Variants in CADM2 observed in about 807,000 individuals in gnomAD.
The protein encoded by CADM2 is immunoglobulin superfamily member 4D.
CADM2 carries 12 observed loss-of-function variants against 49.8 expected under a neutral mutation model. The observed-to-expected ratio is 0.24, with a 90% CI of 0.15 to 0.39. CADM2 has a LOEUF of 0.39. Among genes scored for constraint, CADM2 ranks in the 10% least tolerant of loss-of-function variants. The probability of loss-of-function intolerance (pLI) is 1.00; values close to 1 mark genes in which losing one functional copy is unlikely to be tolerated. For missense variants in CADM2, 378 were observed against 492.3 expected, an observed-to-expected ratio of 0.77 and a Z score of 2.20; for synonymous variants, 214 against 175.4, an observed-to-expected ratio of 1.22 and a Z score of -1.74.
At chr3:85,772,894 T>C (rs1248726174) in intron 2 of CADM2, among the ~76,000 whole-genome samples, 1 of 151,884 alleles carries the variant, frequency 6.6e-6, no homozygotes, top group Non-Finnish European at 1.5e-5. Context: ...TTTTTTTTTT[T>C]TTCTTTTCCT....
intron 1 of CADM2, among the ~76,000 whole-genome samples, chr3:85,088,496 A>C (rs59905205): frequency 0.056 from 8,467 of 152,144 alleles, 786 homozygotes; most frequent in African/African-American, 0.19. Flanking sequence ...GTCTGAAACC[A>C]CCTTTTATTT....
At chr3:85,911,290 C>G (rs2108477976) in intron 5 of CADM2, among the ~76,000 whole-genome samples, 1 of 152,270 alleles carries the variant, frequency 6.6e-6, no homozygotes, top group Non-Finnish European at 1.5e-5. Flanking sequence ...CTACTTCAGA[C>G]TTGAGAAATT....
chr3:85,904,630 G>A (rs1447676934), intron 5 of CADM2, among the ~76,000 whole-genome samples: 1 of 152,156 alleles, frequency 6.6e-6, no homozygotes, highest in Non-Finnish European at 1.5e-5. Context: ...AAATATGTAT[G>A]TGTGTTTTAG....
At chr3:85,720,653 G>A (rs1022630880) in intron 1 of CADM2, among the ~76,000 whole-genome samples, 2 of 152,180 alleles carry the variant, frequency 1.3e-5, no homozygotes, top group Admixed American at 1.3e-4. Context: ...ATTCTAATGA[G>A]GCTTAGAAGA....
At chr3:85,894,688 A>G (rs975256205) in intron 5 of CADM2, among the ~76,000 whole-genome samples, 2 of 152,180 alleles carry the variant, frequency 1.3e-5, no homozygotes, top group Non-Finnish European at 2.9e-5. Context: ...AGCCAGGTCC[A>G]GGGACTTCTT....
chr3:85,724,297 C>T (rs1447965436), intron 1 of CADM2, among the ~76,000 whole-genome samples: 1 of 151,778 alleles, frequency 6.6e-6, no homozygotes, highest in Non-Finnish European at 1.5e-5. Flanking sequence ...CACACTTTCT[C>T]TCCAAATATT....
intron 1 of CADM2, among the ~76,000 whole-genome samples, chr3:85,564,460 A>G (rs1399420589): frequency 6.6e-6 from 1 of 152,088 alleles, no homozygotes; most frequent in South Asian, 2.1e-4. Context: ...AACATAGCTA[A>G]CATCCTTAAT....
chr3:85,028,924 A>C lies in CADM2; in HGVS notation c.61+69256A>C, dbSNP rs148884922. ...GTATAGCTTATTAATGTGATATTCC[A>C]ATTTATTCACATACTGTTTTACCGA... On this transcript the variant is annotated intron_variant, in intron 1 of 9. Transcript: ENST00000383699. Among the ~76,000 whole-genome samples the C allele has an allele frequency of 4.9e-3, 746 of 151,910 alleles. 7 individuals are homozygous for C. Among genetic ancestry groups the C allele is most frequent in the African/African-American group, 0.017 (718 of 41,538 alleles).
At chr3:85,788,150 T>C (rs2071106427) in intron 2 of CADM2, among the ~76,000 whole-genome samples, 1 of 152,164 alleles carries the variant, frequency 6.6e-6, no homozygotes, top group South Asian at 2.1e-4. Context: ...CAACACATAC[T>C]ATGGGAATCC....
rs148433273 is a variant in CADM2, at chr3:85,750,089, T to C, written c.88+23541T>C. ...TAAATCTTAACAATTTTTAAAGCTA[T>C]AGTCTGAGAAGTTTATTGAACTCAT... is the stretch of plus-strand genomic sequence containing the variant. On this transcript the variant is annotated intron_variant, in intron 2 of 9. Transcript: ENST00000383699. 2.2e-3 allele frequency among the ~76,000 whole-genome samples: 331 copies of C among 152,238 alleles called. 2 individuals carry two copies. Among genetic ancestry groups the C allele is most frequent in the African/African-American group, 4.4e-3 (185 of 41,582 alleles).
intron 8 of CADM2, among the ~76,000 whole-genome samples, chr3:86,000,286 AGTG>A (rs1730013729): frequency 6.6e-6 from 1 of 152,228 alleles, no homozygotes; most frequent in African/African-American, 2.4e-5. Flanking sequence ...CCTTTAAAAA[AGTG>A]GTGAAGTTTC....
At chr3:85,261,316 A>G (rs1402128685) in intron 1 of CADM2, among the ~76,000 whole-genome samples, 2 of 151,956 alleles carry the variant, frequency 1.3e-5, no homozygotes, top group African/African-American at 2.4e-5. Flanking sequence ...TTGTATTTTT[A>G]GTAGAGACAG....
At chr3:85,589,335 C>A (rs1282896289) in intron 1 of CADM2, among the ~76,000 whole-genome samples, 1 of 152,020 alleles carries the variant, frequency 6.6e-6, no homozygotes, top group Non-Finnish European at 1.5e-5. Context: ...GGCACAATAG[C>A]ATTGGGTTGA....
At chr3:85,217,643 G>A in intron 1 of CADM2, among the ~76,000 whole-genome samples, 1 of 151,972 alleles carries the variant, frequency 6.6e-6, no homozygotes, top group East Asian at 1.9e-4. Flanking sequence ...AGCAGTTATA[G>A]AAAACTATTA....
intron 7 of CADM2, among the ~76,000 whole-genome samples, chr3:85,948,715 A>T (rs1158942211): frequency 6.7e-6 from 1 of 149,524 alleles, no homozygotes; most frequent in African/African-American, 2.5e-5. Flanking sequence ...AGCTAAATAA[A>T]ATAATAAAAT....
Position 86,015,010 on chromosome 3 carries a change from T to C in CADM2, c.971-50595T>C, listed in dbSNP as rs1453547604. The C allele has an allele frequency of 4.1e-6, 4 of 983,468 alleles. No homozygotes were observed. The East Asian group carries it at 9.6e-5, about 24-fold the overall frequency. The allele number at this position is 983,468 out of a possible 1,614,324, so 60.9% of individuals were successfully genotyped here. ...TCGAGTAACTTGGCTTTGCTTAACATAAATTGTGACATAAAACACAACCTG... is the reference window on the plus strand; with the variant it reads ...TCGAGTAACTTGGCTTTGCTTAACACAAATTGTGACATAAAACACAACCTG... On this transcript the variant is annotated intron_variant, in intron 8 of 9. Transcript: ENST00000383699.
chr3:85,855,640 A>ATT (rs2075287174), intron 3 of CADM2, among the ~76,000 whole-genome samples: 5 of 129,226 alleles, frequency 3.9e-5, no homozygotes, highest in Non-Finnish European at 6.6e-5. Flanking sequence ...ATATATATAT[A>ATT]TTTTGAGACG....
intron 1 of CADM2, among the ~76,000 whole-genome samples, chr3:85,504,533 G>C (rs2040241165): frequency 6.6e-6 from 1 of 152,216 alleles, no homozygotes; most frequent in African/African-American, 2.4e-5. Flanking sequence ...ACAGGGCGCT[G>C]ATTGGTGCAT....
intron 1 of CADM2, among the ~76,000 whole-genome samples, chr3:85,255,815 A>G (rs867869828): frequency 3.3e-5 from 5 of 152,098 alleles, no homozygotes; most frequent in Middle Eastern, 3.4e-3. Context: ...ACTTCTCTAT[A>G]CTGAGAAATA....
Sources: gnomAD v4.1 joint callset for allele counts (sites outside exome capture counted in the v4.1 genomes callset) on GRCh38, gnomAD v4.1.1 for gene constraint, MANE v1.5 for transcripts, NCBI Gene and HGNC (gene_info 2026-07-23, HGNC 2026-07-21) for gene names.